The following TOMM7 variants were observed in gnomAD, a reference collection of about 807,000 sequenced individuals.
TOMM7 encodes translocase of outer mitochondrial membrane 7, also known as mitochondrial import receptor subunit TOM7 homolog.
TOMM7 carries 8 observed loss-of-function variants against 9.5 expected under a neutral mutation model. The observed-to-expected ratio is 0.84, with a 90% confidence interval of 0.49 to 1.51. The LOEUF is 1.51. TOMM7 is among the 40% of genes most tolerant of loss of function. The pLI is 0.00. For missense variants in TOMM7, 74 were observed against 63.7 expected (o/e 1.16, Z -0.55); for synonymous variants, 27 against 21.4 (o/e 1.26, Z -0.72).
At chr7:22,822,212 G>C (rs1390093747) in intron 1 of TOMM7, 1 of 1,550,942 alleles carries the variant, frequency 6.4e-7, no homozygotes, top group Non-Finnish European at 8.7e-7. Flanking sequence ...AGGTAAGAAA[G>C]CAGAGGCATC....
chr7:22,813,457 T>TA (rs1300439642), intron 2 of TOMM7, among the ~76,000 whole-genome samples: 3 of 152,172 alleles, frequency 2.0e-5, no homozygotes. Context: ...AGGAAAACGA[T>TA]TACTGATTTC....
intron 2 of TOMM7, among the ~76,000 whole-genome samples, chr7:22,813,574 A>C (rs183720642): frequency 3.9e-5 from 6 of 152,208 alleles, no homozygotes; most frequent in Non-Finnish European, 8.8e-5. Context: ...TGTGCATTAG[A>C]CACTGAGGAA....
At chr7:22,813,730 TC>T (rs1453178073) in intron 2 of TOMM7, among the ~76,000 whole-genome samples, 1 of 151,356 alleles carries the variant, frequency 6.6e-6, no homozygotes, top group East Asian at 2.0e-4. Context: ...AGCCTCCACT[TC>T]CACCTCAACT....
intron 1 of TOMM7, 32 bp from the exon 2 acceptor site, chr7:22,818,080 T>A (rs1180028281): frequency 6.3e-7 from 1 of 1,599,874 alleles, no homozygotes; most frequent in African/African-American, 1.3e-5. Context: ...AGAAAAAATA[T>A]TAATTAAAAC....
chr7:22,819,776 T>C (rs944015358), intron 1 of TOMM7, among the ~76,000 whole-genome samples: 1 of 152,122 alleles, frequency 6.6e-6, no homozygotes, highest in Non-Finnish European at 1.5e-5. Flanking sequence ...CAAAAGATAA[T>C]ATGGAACAAA....
At chr7:22,817,874 G>T in intron 2 of TOMM7, 126 bp downstream of exon 2, 1 of 831,598 alleles carries the variant, frequency 1.2e-6, no homozygotes, top group Non-Finnish European at 1.9e-6. Context: ...TTTTCCAATA[G>T]CCCAAAACTA....
At chr7:22,817,189 T>A (rs140025192) in intron 2 of TOMM7, among the ~76,000 whole-genome samples, 52 of 152,282 alleles carry the variant, frequency 3.4e-4, no homozygotes, top group African/African-American at 1.0e-3. Context: ...CCTATATATA[T>A]AATTTTCATA....
chr7:22,814,996 C>T (rs1279877822), intron 2 of TOMM7, among the ~76,000 whole-genome samples: 1 of 152,198 alleles, frequency 6.6e-6, no homozygotes, highest in Non-Finnish European at 1.5e-5. Flanking sequence ...TCACTCTTCC[C>T]AGTGCAGGGA....
At chr7:22,816,236 A>T (rs963236357) in intron 2 of TOMM7, among the ~76,000 whole-genome samples, 2 of 152,212 alleles carry the variant, frequency 1.3e-5, no homozygotes, top group Non-Finnish European at 2.9e-5. Context: ...TCCCCAACTG[A>T]TAAAAAGGGG....
At chr7:22,822,463 G>A (rs1782406664) in intron 1 of TOMM7, 2 of 715,544 alleles carry the variant, frequency 2.8e-6, no homozygotes, top group East Asian at 2.7e-5. Flanking sequence ...GAAAAGGAGG[G>A]ATTGCAAGAC....
chr7:22,813,597 C>G (rs1018185564), intron 2 of TOMM7, among the ~76,000 whole-genome samples: 1 of 151,966 alleles, frequency 6.6e-6, no homozygotes, highest in African/African-American at 2.4e-5. Flanking sequence ...TTCACAACTC[C>G]CAACTACGAT....
chr7:22,821,409 A>G (rs1251333767), intron 1 of TOMM7, among the ~76,000 whole-genome samples: 1 of 146,572 alleles, frequency 6.8e-6, no homozygotes, highest in Non-Finnish European at 1.5e-5. Flanking sequence ...CCGTCTCAAA[A>G]AAAAAAAAAA....
chr7:22,815,351 C>T (rs914184163), intron 2 of TOMM7, among the ~76,000 whole-genome samples: 1 of 151,944 alleles, frequency 6.6e-6, no homozygotes, highest in East Asian at 1.9e-4. Context: ...GCATGCAGGT[C>T]CAGCCTAAAA....
At chr7:22,821,768 AG>A (rs1457548125) in intron 1 of TOMM7, among the ~76,000 whole-genome samples, 81 of 152,190 alleles carry the variant, frequency 5.3e-4, no homozygotes, top group African/African-American at 1.9e-3. Flanking sequence ...GGAAAAAAAA[AG>A]ACAGAAAAGA....
intron 2 of TOMM7, among the ~76,000 whole-genome samples, chr7:22,816,567 G>A (rs1305123156): frequency 6.6e-6 from 1 of 152,238 alleles, no homozygotes; most frequent in Non-Finnish European, 1.5e-5. Flanking sequence ...AGAGAGGGAG[G>A]TGAAGAAGGT....
intron 1 of TOMM7, among the ~76,000 whole-genome samples, chr7:22,821,858 A>G (rs915288993): frequency 6.6e-6 from 1 of 152,170 alleles, no homozygotes; most frequent in Non-Finnish European, 1.5e-5. Flanking sequence ...TAAGTGACCG[A>G]GCCTGTTGGC....
At chr7:22,822,309 G>C in intron 1 of TOMM7, 1 of 1,532,066 alleles carries the variant, frequency 6.5e-7, no homozygotes, top group Admixed American at 2.1e-5. Flanking sequence ...TTTCCACTTA[G>C]GACCACATGG....
intron 1 of TOMM7, chr7:22,818,381 T>C (rs1456429570): frequency 5.3e-6 from 1 of 188,304 alleles, no homozygotes; most frequent in Non-Finnish European, 1.1e-5. Context: ...AGGCTCAAGC[T>C]ATTCTCCTGT....
At chr7:22,819,969 T>C (rs958397534) in intron 1 of TOMM7, among the ~76,000 whole-genome samples, 4 of 152,192 alleles carry the variant, frequency 2.6e-5, no homozygotes, top group Non-Finnish European at 2.9e-5. Context: ...AAAGTTATGA[T>C]TGAACCTAAA....
Sources: allele counts gnomAD v4.1 joint callset (sites outside exome capture counted in the v4.1 genomes callset), GRCh38; gene constraint gnomAD v4.1.1; transcripts MANE v1.5; gene names NCBI Gene and HGNC (gene_info 2026-07-23, HGNC 2026-07-21).